The following GDPD4 variants were observed in gnomAD, a reference collection of about 807,000 sequenced individuals.
GDPD4 encodes glycerophosphodiester phosphodiesterase 6.
Under a neutral mutation model 67.8 loss-of-function variants are expected in GDPD4, and 60 were observed. That is an observed-to-expected ratio of 0.88 (90% CI 0.72 to 1.10). The LOEUF (loss-of-function observed/expected upper bound fraction) is 1.10. Among genes scored for constraint, GDPD4 ranks in the 50% least tolerant of loss-of-function variants. The pLI, the probability that GDPD4 is intolerant of heterozygous loss-of-function variation, is 0.00. For missense variants in GDPD4, 623 were observed against 613.9 expected (o/e 1.01, Z -0.16); for synonymous variants, 212 against 210.9 (o/e 1.00, Z -0.04).
Position 77,276,206 on chromosome 11 carries a change from C to T in GDPD4, c.162G>A (p.Leu54=), listed in dbSNP as rs545069722. ...ATAGTTCAATCCTTTCCCAAAGCAA[C>T]AAAAATCCAAGTAACTGCAAAAGCA... ...YSSLLLLLGF[L]LLWERIELYL... Residue 54 remains leucine, a synonymous_variant, in exon 5 of 17, where the codon TTG becomes TTA. Transcript: ENST00000315938. 2 of 1,613,696 alleles carry T rather than the reference C, an allele frequency of 1.2e-6. No individual in the cohort carries two copies. Among genetic ancestry groups the T allele is most frequent in the Admixed American group, 3.3e-5 (2 of 60,024 alleles).
intron 11 of GDPD4, among the ~76,000 whole-genome samples, chr11:77,255,330 G>A (rs1242647438): frequency 2.0e-5 from 3 of 152,158 alleles, no homozygotes; most frequent in Non-Finnish European, 2.9e-5. Context: ...ACTTTGGGGG[G>A]CTGAGGCAGG....
intron 16 of GDPD4, among the ~76,000 whole-genome samples, chr11:77,222,696 A>G (rs1354393496): frequency 3.9e-5 from 6 of 152,040 alleles, no homozygotes; most frequent in Non-Finnish European, 8.8e-5. Flanking sequence ...TGTGAATCTG[A>G]CAATTATGTG....
intron 4 of GDPD4, among the ~76,000 whole-genome samples, chr11:77,278,956 G>A (rs1380221464): frequency 6.6e-6 from 1 of 152,208 alleles, no homozygotes; most frequent in Non-Finnish European, 1.5e-5. Flanking sequence ...GACATGAGAT[G>A]AGTAAAGATA....
At chr11:77,233,198 G>A in intron 13 of GDPD4, 26 bp from the exon 14 acceptor site, 1 of 1,606,060 alleles carries the variant, frequency 6.2e-7, no homozygotes, top group Non-Finnish European at 8.5e-7. Flanking sequence ...AACCCACAGG[G>A]GATTTAGATC....
Position 77,217,131 on chromosome 11 carries a change from G to A in GDPD4, c.*146C>T, listed in dbSNP as rs1369938619. On this transcript the variant is annotated 3_prime_UTR_variant, in exon 17 of 17. Coordinates refer to ENST00000315938, the MANE Select transcript of GDPD4 (RefSeq NM_182833.3). ...GGTGTGACAGCATTCTTGATAGGTA[G>A]TAGTTTCTTGGATGGTGCTGCAAAA... The A allele has an allele frequency of 5.5e-6, 4 of 732,682 alleles. No homozygotes were observed. The highest frequency in any genetic ancestry group is 7.6e-6 in the Non-Finnish European group (3 of 395,882). The allele number at this position is 732,682 out of a possible 1,614,324, so 45.4% of individuals were successfully genotyped here.
intron 16 of GDPD4, among the ~76,000 whole-genome samples, chr11:77,219,454 T>G (rs1565501905): frequency 6.6e-6 from 1 of 152,244 alleles, no homozygotes; most frequent in Non-Finnish European, 1.5e-5. Context: ...TCCTTGCCCA[T>G]GCCTATGTCC....
rs554115311 is a variant in GDPD4 at position 77,287,301 on chromosome 11, T to C, written c.-134A>G. The C allele has an allele frequency of 3.3e-5, 5 of 152,352 alleles. No homozygotes were observed. The highest frequency in any genetic ancestry group is 2.0e-4 in the Admixed American group (3 of 15,296). 9.4% of individuals were successfully genotyped at this position (152,352 alleles called of 1,614,324 possible). The stretch of plus-strand genomic sequence containing the variant: ...CAACTATAGCAGCCAGTAAGGAAGG[T>C]GACAAAGCATTTGTGGTTGAAGATG... On this transcript the variant is annotated 5_prime_UTR_variant, in exon 2 of 17. Transcript: ENST00000315938.
At chr11:77,250,668 G>C (rs567712925) in intron 11 of GDPD4, among the ~76,000 whole-genome samples, 2 of 152,272 alleles carry the variant, frequency 1.3e-5, no homozygotes, top group South Asian at 4.1e-4. Context: ...GTAATTGTCT[G>C]TTAGGTCCAT....
chr11:77,275,550 G>T, intron 5 of GDPD4, among the ~76,000 whole-genome samples: 1 of 152,124 alleles, frequency 6.6e-6, no homozygotes, highest in East Asian at 1.9e-4. Flanking sequence ...AACGTCCACG[G>T]GAAAACAAGC....
Position 77,227,920 on chromosome 11 carries a change from G to A in GDPD4, c.1473-4C>T, listed in dbSNP as rs973446514. Reference sequence around the variant, plus strand: ...TTCTTTTTCAGTCTCTCTCCGCCTAGAAGGAAGCAGACCATCCATGAAATG... The same window carrying A: ...TTCTTTTTCAGTCTCTCTCCGCCTAAAAGGAAGCAGACCATCCATGAAATG... On this transcript the variant is annotated splice_polypyrimidine_tract_variant and splice_region_variant and intron_variant, in intron 15 of 16. Coordinates refer to ENST00000315938, the MANE Select transcript of GDPD4 (RefSeq NM_182833.3). The A allele has an allele frequency of 1.9e-6, 3 of 1,607,490 alleles. No homozygotes were observed. The highest frequency in any genetic ancestry group is 1.7e-4 in the Middle Eastern group (1 of 6,058).
chr11:77,248,164 C>A (rs2135848092), intron 11 of GDPD4, among the ~76,000 whole-genome samples: 1 of 150,746 alleles, frequency 6.6e-6, no homozygotes, highest in East Asian at 1.9e-4. Flanking sequence ...CTGATAAGAA[C>A]TAACTGTAAC....
intron 11 of GDPD4, among the ~76,000 whole-genome samples, chr11:77,255,952 G>A (rs1397688954): frequency 2.0e-5 from 3 of 152,102 alleles, no homozygotes; most frequent in Admixed American, 6.5e-5. Context: ...GTTTCTGAAT[G>A]TACTTAGAAT....
chr11:77,266,205 A>G lies in GDPD4; in HGVS notation c.707+2252T>C, dbSNP rs114498225. ...GAGTACAATTTCTGGGGTGTATGGTAAGTATATAATGTGCCACATAATGAC... is the reference window on the plus strand; with the variant it reads ...GAGTACAATTTCTGGGGTGTATGGTGAGTATATAATGTGCCACATAATGAC... On this transcript the variant is annotated intron_variant, in intron 10 of 16. Coordinates refer to ENST00000315938, the MANE Select transcript of GDPD4 (RefSeq NM_182833.3). Among the ~76,000 whole-genome samples the G allele has an allele frequency of 7.7e-3, 1,177 of 152,278 alleles. 20 individuals carry two copies. Among genetic ancestry groups the G allele is most frequent in the African/African-American group, 0.026 (1,069 of 41,552 alleles).
rs1246468736 is a variant in GDPD4 at position 77,245,481 on chromosome 11, T to C, written c.886A>G (p.Lys296Glu). ...TCTTTATCTGCCTCTGATAGAGGTT[T>C]CATATTGTAAAATGGCCTGAGCTAG... ...KPELRPFYNMKPLSEADKERA... is the reference protein window; with the variant it reads ...KPELRPFYNMEPLSEADKERA... The change falls in exon 12 of 17, where the codon AAA becomes GAA. Residue 296 changes from lysine to glutamate, a missense_variant. By Grantham distance (56) the Lys-to-Glu change is moderately conservative (BLOSUM62 1). Coordinates refer to ENST00000315938, the MANE Select transcript of GDPD4 (RefSeq NM_182833.3). 6.2e-7 allele frequency: 1 copy of C among 1,613,580 alleles called. No homozygotes were observed. The highest frequency in any genetic ancestry group is 1.3e-5 in the African/African-American group (1 of 74,898).
chr11:77,225,597 G>A (rs1024319210), intron 16 of GDPD4, among the ~76,000 whole-genome samples: 8 of 152,000 alleles, frequency 5.3e-5, no homozygotes, highest in African/African-American at 1.9e-4. Flanking sequence ...GTAGCCAGAG[G>A]AAAAAAGACA....
chr11:77,271,170 G>C lies in GDPD4; in HGVS notation c.360C>G (p.Phe120Leu). The C allele has an allele frequency of 6.2e-7, 1 of 1,613,076 alleles. No individual in the cohort carries two copies. Among genetic ancestry groups the C allele is most frequent in the East Asian group, 2.2e-5 (1 of 44,880 alleles). ...LVSITVMVIL[F>L]WPVAFYVACL... ...ATGCCACGTAGAAGGCCACAGGCCA[G>C]AAAAGGATAACCATCACAGTTATGC... Residue 120 changes from phenylalanine (F) to leucine (L), a missense_variant, in exon 7 of 17, where the codon TTC becomes TTG. Coordinates refer to ENST00000315938, the MANE Select transcript of GDPD4 (RefSeq NM_182833.3).
At chr11:77,235,713 C>T (rs755761377) in intron 13 of GDPD4, among the ~76,000 whole-genome samples, 16 of 152,224 alleles carry the variant, frequency 1.1e-4, no homozygotes, top group Middle Eastern at 3.4e-3. Flanking sequence ...CCAATGCTTT[C>T]GGAGGCCAAG....
At chr11:77,292,110 C>T (rs1406493741) in intron 1 of GDPD4, among the ~76,000 whole-genome samples, 1 of 150,358 alleles carries the variant, frequency 6.7e-6, no homozygotes, top group Non-Finnish European at 1.5e-5. Context: ...ATTAATAAAT[C>T]TGCAAAATGA....
chr11:77,240,290 A>C (rs1040616373), intron 13 of GDPD4, among the ~76,000 whole-genome samples: 15 of 152,234 alleles, frequency 9.9e-5, no homozygotes, highest in Non-Finnish European at 1.6e-4. Flanking sequence ...ATAAAAACAG[A>C]CACATACCAG....
Sources: allele counts gnomAD v4.1 joint callset (sites outside exome capture counted in the v4.1 genomes callset), GRCh38; gene constraint gnomAD v4.1.1; transcripts MANE v1.5; gene names NCBI Gene and HGNC (gene_info 2026-07-23, HGNC 2026-07-21).